The following MUC22 variants were observed in gnomAD, a reference collection of about 807,000 sequenced individuals.
MUC22 encodes mucin-22.
In MUC22, 24 loss-of-function variants were observed where a neutral mutation model predicts 40.3. The observed-to-expected ratio is 0.60, with a 90% confidence interval of 0.43 to 0.84. The LOEUF is 0.84. Ranked by LOEUF, MUC22 falls within the 40% of genes least tolerant of loss-of-function variation. MUC22 has a pLI of 0.00. For missense variants in MUC22, 1,926 were observed against 2,130.7 expected (o/e 0.90, Z 1.89); for synonymous variants, 765 against 844.5 (o/e 0.91, Z 1.63).
At chr6:31,035,229 T>C (rs1312891850) in exon 4 of MUC22, 5 of 424,678 alleles carry the variant, frequency 1.2e-5, no homozygotes, top group Non-Finnish European at 2.1e-5. Flanking sequence ...TTTTCCTGAG[T>C]CTCAGCCTCT....
exon 2 of MUC22, chr6:31,030,078 C>T: frequency 6.5e-7 from 1 of 1,532,674 alleles, no homozygotes; most frequent in Non-Finnish European, 8.7e-7. Flanking sequence ...CTATCCAGCC[C>T]ATCACCAACA....
intron 2 of MUC22, among the ~76,000 whole-genome samples, chr6:31,031,812 A>G (rs1357834511): frequency 5.4e-5 from 8 of 148,888 alleles, no homozygotes; most frequent in Non-Finnish European, 1.2e-4. Context: ...ATAGTCTAAA[A>G]TCTCATCCAG....
At chr6:31,031,770 T>C (rs62401673) in intron 2 of MUC22, among the ~76,000 whole-genome samples, 16,560 of 152,086 alleles carry the variant, frequency 0.11, 1,094 homozygotes, top group Middle Eastern at 0.17. Flanking sequence ...CGATGTTCGG[T>C]TTTCCATTCC....
exon 2 of MUC22, chr6:31,028,253 G>T: frequency 6.5e-7 from 1 of 1,533,584 alleles, no homozygotes; most frequent in South Asian, 1.2e-5. Flanking sequence ...TCTACTGAAG[G>T]CTCTGGGACC....
intron 2 of MUC22, among the ~76,000 whole-genome samples, chr6:31,030,578 C>CTT (rs28383828): frequency 4.3e-4 from 63 of 147,710 alleles, no homozygotes; most frequent in Admixed American, 6.1e-4. Context: ...GGTCTCACCT[C>CTT]TTTTTTTTTA....
chr6:31,025,467 C>T (rs28360985), intron 1 of MUC22, 35 bp from the exon 2 acceptor site: 102,723 of 1,457,960 alleles, frequency 0.07, 5,231 homozygotes, highest in South Asian at 0.21. Context: ...TCATCTTTAA[C>T]CCATTCCCAC....
intron 1 of MUC22, among the ~76,000 whole-genome samples, chr6:31,014,433 T>A (rs915047285): frequency 6.6e-6 from 1 of 152,134 alleles, no homozygotes; most frequent in Non-Finnish European, 1.5e-5. Context: ...GCTTGCTAGA[T>A]CTCTTGTCCT....
intron 1 of MUC22, among the ~76,000 whole-genome samples, chr6:31,016,321 A>C (rs1314822524): frequency 6.6e-6 from 1 of 152,166 alleles, no homozygotes; most frequent in African/African-American, 2.4e-5. Flanking sequence ...TTTGCATTTG[A>C]GTGAGGCACT....
chr6:31,023,372 C>T (rs1402863153), intron 1 of MUC22, among the ~76,000 whole-genome samples: 4 of 151,794 alleles, frequency 2.6e-5, no homozygotes, highest in Non-Finnish European at 4.4e-5. Context: ...CCCATCTTTA[C>T]AAGAAATAAA....
intron 1 of MUC22, among the ~76,000 whole-genome samples, chr6:31,020,488 A>G (rs1297936758): frequency 5.1e-5 from 6 of 116,900 alleles, no homozygotes; most frequent in Non-Finnish European, 1.0e-4. Flanking sequence ...TTGTTGCCCC[A>G]GGCTGGAGCG....
intron 1 of MUC22, among the ~76,000 whole-genome samples, chr6:31,018,261 G>A (rs2894176): frequency 1.3e-5 from 2 of 151,904 alleles, no homozygotes; most frequent in African/African-American, 2.4e-5. Flanking sequence ...TCATCCAAGT[G>A]CTTGAGTGGA....
rs1448753978 is a variant in MUC22 at position 31,027,344 on chromosome 6, C to T, written c.1913C>T (p.Ala638Val). Residue 638 changes from alanine (A) to valine (V), a missense_variant, in exon 2 of 4, where the codon GCT (alanine) becomes GTT (valine). Coordinates refer to ENST00000561890, the Ensembl canonical transcript of MUC22. The stretch of plus-strand genomic sequence containing the variant: ...ACTGAAGGCTCTGAGACCACCACAG[C>T]TTCCACTGAAGGCTCTGAGGCCACT... 4 of 1,528,888 alleles carry T rather than the reference C, an allele frequency of 2.6e-6. 1 individual carries two copies. The highest frequency in any genetic ancestry group is 5.0e-5 in the East Asian group (2 of 40,288). The allele number at this position is 1,528,888 out of a possible 1,614,324, so 94.7% of individuals were successfully genotyped here.
At chr6:31,030,033 C>G (rs1000619275) in exon 2 of MUC22, 1 of 1,535,738 alleles carries the variant, frequency 6.5e-7, no homozygotes. Flanking sequence ...CTGTCTCTTC[C>G]ACCACGTTTG....
chr6:31,022,112 G>T (rs534929997), intron 1 of MUC22, among the ~76,000 whole-genome samples: 32 of 152,204 alleles, frequency 2.1e-4, no homozygotes, highest in South Asian at 8.3e-4. Context: ...CCAGAAGGAA[G>T]AAACTCCGAA....
intron 1 of MUC22, among the ~76,000 whole-genome samples, chr6:31,016,908 C>T (rs963338419): frequency 6.6e-6 from 1 of 152,208 alleles, no homozygotes; most frequent in African/African-American, 2.4e-5. Context: ...GCGTGGCCAG[C>T]ACAGCTGGCC....
In MUC22 at chr6:31,013,537, G is replaced by A. The variant is rs1032465261; in HGVS notation, c.70+2761G>A. On this transcript the variant is annotated intron_variant, in intron 1 of 3. Transcript: ENST00000561890. Reference sequence around the variant, plus strand: ...TTAGGTAATGGATGTAAGCAGTTCTGAAAAAGAAATACTTGTAGTCCTACA... The same window carrying A: ...TTAGGTAATGGATGTAAGCAGTTCTAAAAAAGAAATACTTGTAGTCCTACA... Among the ~76,000 whole-genome samples, 17 of 152,222 alleles carry A rather than the reference G, an allele frequency of 1.1e-4. No individual in the cohort carries two copies. The East Asian group carries it at 3.3e-3, about 29-fold the overall frequency.
rs1006829448 is a variant in MUC22, at chr6:31,029,260, A to G, written c.3829A>G (p.Ile1277Val). Residue 1277 changes from isoleucine (I) to valine (V), a missense_variant, in exon 2 of 4, where the codon ATC becomes GTC. By Grantham distance (29) the Ile-to-Val change is conservative. Coordinates refer to ENST00000561890, the Ensembl canonical transcript of MUC22. ...CTCTACCACAGGCACTGAGACTACC[A>G]TCACCTCTACTGAAGGTTCAGAGAC... 29 of 1,534,602 alleles carry G rather than the reference A, an allele frequency of 1.9e-5. No homozygotes were observed. The highest frequency in any genetic ancestry group is 2.4e-5 in the Non-Finnish European group (28 of 1,146,436).
exon 2 of MUC22, chr6:31,026,151 C>T (rs1321045365): frequency 2.0e-6 from 3 of 1,524,780 alleles, no homozygotes; most frequent in Admixed American, 2.0e-5. Flanking sequence ...CCACCACAAC[C>T]TCAACTGCAG....
upstream of MUC22, chr6:31,006,259 G>C: frequency 4.3e-6 from 1 of 232,916 alleles, no homozygotes; most frequent in Non-Finnish European, 8.8e-6. Context: ...CAAGGCACAG[G>C]AAATTTTTTA....
Sources: allele counts gnomAD v4.1 joint callset (sites outside exome capture counted in the v4.1 genomes callset), GRCh38; gene constraint gnomAD v4.1.1; transcripts MANE v1.5; gene names NCBI Gene and HGNC (gene_info 2026-07-23, HGNC 2026-07-21).